Variants in TTLL8 observed in about 807,000 individuals in gnomAD.
The protein encoded by TTLL8 is protein monoglycylase TTLL8.
A neutral mutation model predicts 77.8 loss-of-function variants in TTLL8; 65 were observed. The observed-to-expected ratio is 0.84, with a 90% CI of 0.68 to 1.03. The LOEUF (loss-of-function observed/expected upper bound fraction) is 1.03. TTLL8 is among the 50% of genes least tolerant of loss of function. The pLI is 0.00. For missense variants in TTLL8, 910 were observed against 1,004.5 expected (o/e 0.91, Z 1.27); for synonymous variants, 402 against 422.8 (o/e 0.95, Z 0.60).
intron 12 of TTLL8, among the ~76,000 whole-genome samples, chr22:50,027,888 C>T (rs1439827477): frequency 3.3e-5 from 5 of 152,246 alleles, no homozygotes; most frequent in Non-Finnish European, 5.9e-5. Context: ...GCGAAACGCT[C>T]GTACGCACGG....
chr22:50,020,241 T>C (rs2061186489), intron 12 of TTLL8, among the ~76,000 whole-genome samples: 1 of 152,046 alleles, frequency 6.6e-6, no homozygotes, highest in Non-Finnish European at 1.5e-5. Context: ...CATGTACTCC[T>C]CCATCTGACA....
intron 12 of TTLL8, among the ~76,000 whole-genome samples, chr22:50,029,842 G>A (rs1033834829): frequency 2.0e-5 from 3 of 152,188 alleles, no homozygotes; most frequent in African/African-American, 7.2e-5. Context: ...GGGAGGAACG[G>A]CTGATGCTGC....
chr22:50,022,994 A>G (rs1250596341), intron 12 of TTLL8, among the ~76,000 whole-genome samples: 2 of 151,288 alleles, frequency 1.3e-5, no homozygotes, highest in Admixed American at 6.6e-5. Flanking sequence ...CATGTACAAA[A>G]TCAGGGCATG....
chr22:50,027,993 G>T (rs543052260), intron 12 of TTLL8, among the ~76,000 whole-genome samples: 1 of 152,264 alleles, frequency 6.6e-6, no homozygotes, highest in African/African-American at 2.4e-5. Flanking sequence ...CAGACACGTG[G>T]TGTCGGCTTT....
chr22:50,057,320 TGTCAGGTCTGGGTTGTGA>T (rs539220321), upstream of TTLL8, among the ~76,000 whole-genome samples: 7,877 of 58,022 alleles, frequency 0.14, 305 homozygotes, highest in East Asian at 0.22. Flanking sequence ...CTGGGTTTGG[TGTCAGGTCTGGGTTGTGA>T]GTCAGGTCTG....
chr22:50,033,078 T>C, intron 10 of TTLL8, 124 bp downstream of exon 11: 2 of 1,170,778 alleles, frequency 1.7e-6, no homozygotes, highest in Non-Finnish European at 1.1e-6. Flanking sequence ...CATCTGTGCC[T>C]CTCGTGGTGG....
intron 3 of TTLL8, 47 bp from the exon 6 acceptor site, chr22:50,047,343 A>T: frequency 7.4e-7 from 1 of 1,355,280 alleles, no homozygotes; most frequent in Non-Finnish European, 9.9e-7. Flanking sequence ...CAAGGTTCAC[A>T]CCAGCCAGGA....
At chr22:50,057,545 C>T (rs2061486131), upstream of TTLL8, among the ~76,000 whole-genome samples, 6 of 43,044 alleles carry the variant, frequency 1.4e-4, 1 homozygote, top group African/African-American at 7.8e-4. Flanking sequence ...AGCGGGAGGT[C>T]TGGGTTGGGG....
chr22:50,049,564 G>C (rs977033432), intron 2 of TTLL8, among the ~76,000 whole-genome samples: 2 of 152,198 alleles, frequency 1.3e-5, no homozygotes, highest in African/African-American at 4.8e-5. Context: ...GCTGTGACAG[G>C]GCTTGGGGGC....
intron 10 of TTLL8, 193 bp downstream of exon 11, chr22:50,033,009 C>T: frequency 2.4e-6 from 1 of 410,344 alleles, no homozygotes; most frequent in Non-Finnish European, 3.3e-6. Context: ...GCTTTGAAGG[C>T]CGGTGGGCCT....
intron 11 of TTLL8, among the ~76,000 whole-genome samples, chr22:50,031,442 G>T (rs1386906098): frequency 6.6e-6 from 1 of 152,214 alleles, no homozygotes. Context: ...AGTGAGCGGG[G>T]CCGCTCCGCC....
intron 8 of TTLL8, among the ~76,000 whole-genome samples, chr22:50,036,701 C>T (rs543670235): frequency 2.0e-5 from 3 of 151,982 alleles, no homozygotes; most frequent in Admixed American, 1.3e-4. Flanking sequence ...CCAATTCAAG[C>T]GATGCTCCTG....
rs2061371926 is a variant in TTLL8 at position 50,041,649 on chromosome 22, G to A, written c.802C>T (p.Leu268=). The change falls in exon 7 of 14, where the codon CTG becomes TTG. Residue 268 remains leucine (L), a synonymous_variant. Coordinates refer to ENST00000266182, the Ensembl canonical transcript of TTLL8. This position sits in a 1 kb window ranked among gnomAD's most constrained non-coding sequence, Gnocchi z 4.3. ...ACGAGGGAGTAGTACTGCTGGGTCA[G>A]GTCCTCCCACTCGGCCTCAGTGAGG... 2.2e-6 allele frequency: 3 copies of A among 1,366,464 alleles called. No homozygotes were observed. The highest frequency in any genetic ancestry group is 2.9e-5 in the African/African-American group (2 of 67,838). The allele number at this position is 1,366,464 out of a possible 1,614,324, so 84.6% of individuals were successfully genotyped here. A position where few individuals can be genotyped will look rare whatever the true frequency, so the allele number is the denominator to read the frequency against.
At chr22:50,040,616 T>C (rs1312935223) in intron 8 of TTLL8, among the ~76,000 whole-genome samples, 2 of 152,230 alleles carry the variant, frequency 1.3e-5, no homozygotes, top group African/African-American at 2.4e-5. Flanking sequence ...CAAAATTTCT[T>C]CCACCTGTAC....
At chr22:50,058,126 G>T (rs2061496708), upstream of TTLL8, among the ~76,000 whole-genome samples, 1 of 151,912 alleles carries the variant, frequency 6.6e-6, no homozygotes, top group Non-Finnish European at 1.5e-5. The surrounding 1 kb of genome is among the most constrained non-coding windows in gnomAD (Gnocchi z 4.2). Context: ...GACGGGCCTG[G>T]GGTTCCGCGG....
chr22:50,029,798 A>AC (rs933970686), intron 12 of TTLL8, among the ~76,000 whole-genome samples: 2 of 151,392 alleles, frequency 1.3e-5, no homozygotes, highest in African/African-American at 4.9e-5. Context: ...CCTCGCGAGG[A>AC]CCCCCCACCG....
chr22:50,024,626 T>C (rs76415456), intron 12 of TTLL8, among the ~76,000 whole-genome samples: 9,135 of 152,314 alleles, frequency 0.06, 440 homozygotes, highest in East Asian at 0.25. Context: ...TTTAACGTTT[T>C]ATTTAGGAAG....
chr22:50,034,550 G>GC lies in TTLL8; in HGVS notation c.922-89dup, dbSNP rs1408467227. The GC allele has an allele frequency of 7.9e-7, 1 of 1,259,400 alleles. No individual in the cohort carries two copies. The highest frequency in any genetic ancestry group is 1.5e-5 in the African/African-American group (1 of 65,384). The allele number at this position is 1,259,400 out of a possible 1,614,324, so 78.0% of individuals were successfully genotyped here. On this transcript the variant is annotated intron_variant, in intron 8 of 13. Transcript: ENST00000266182. The surrounding 1 kb of genome is among the most constrained non-coding windows in gnomAD (Gnocchi z 4.1). ...AAGTGCATGAGACTTGGAGGCCTGG[G>GC]CCCCGCCTCACCCACCAAGCAGGCG...
At chr22:50,046,738 A>G (rs2061414508) in intron 4 of TTLL8, among the ~76,000 whole-genome samples, 1 of 152,342 alleles carries the variant, frequency 6.6e-6, no homozygotes. Context: ...CGTCCTGGGC[A>G]GGCCTCAGCC....
Sources: gnomAD v4.1 joint callset for allele counts (sites outside exome capture counted in the v4.1 genomes callset) on GRCh38, gnomAD v4.1.1 for gene constraint, Gnocchi (gnomAD v3.1) non-coding constraint, MANE v1.5 for transcripts, NCBI Gene and HGNC (gene_info 2026-07-23, HGNC 2026-07-21) for gene names.